ATP9A: variants seen among roughly 807,000 people sequenced by gnomAD.
ATP9A encodes the protein ATPase phospholipid transporting 9A.
Under a neutral mutation model 144.1 loss-of-function variants are expected in ATP9A, and 52 were observed. The observed-to-expected ratio is 0.36, with a 90% CI of 0.29 to 0.45. ATP9A has a LOEUF of 0.45. Among genes scored for constraint, ATP9A ranks in the 20% least tolerant of loss-of-function variants. The pLI, the probability that ATP9A is intolerant of heterozygous loss-of-function variation, is 1.00. For missense variants in ATP9A, 947 were observed against 1,392.7 expected (o/e 0.68, Z 5.09); for synonymous variants, 582 against 557.4 (o/e 1.04, Z -0.62).
At chr20:51,725,607 G>A (rs1018316284) in intron 3 of ATP9A, among the ~76,000 whole-genome samples, 18 of 152,184 alleles carry the variant, frequency 1.2e-4, no homozygotes, top group Non-Finnish European at 2.5e-4. Flanking sequence ...ATGAATAAAT[G>A]AACGGCACAG....
chr20:51,610,247 C>T (rs1377959959), intron 23 of ATP9A, 82 bp from the exon 24 acceptor site: 1 of 1,149,746 alleles, frequency 8.7e-7, no homozygotes, highest in African/African-American at 1.5e-5. Flanking sequence ...ACACCTGATA[C>T]TTACATAACA....
intron 27 of ATP9A, among the ~76,000 whole-genome samples, chr20:51,601,744 A>C (rs2077144008): frequency 6.6e-6 from 1 of 152,124 alleles, no homozygotes; most frequent in Non-Finnish European, 1.5e-5. Context: ...TGTCTCTACA[A>C]AAAATACAAA....
Position 51,637,421 on chromosome 20 carries a change from C to T in ATP9A, c.1668+1922G>A, listed in dbSNP as rs572757751. Among the ~76,000 whole-genome samples the T allele has an allele frequency of 9.9e-5, 15 of 151,514 alleles. No homozygotes were observed. In the South Asian group the frequency reaches 2.1e-3, roughly 21 times the overall value. ...GCAGGAAAGCTAGGCACAGGAGACA[C>T]GGGAGGACCAAAAGGATCCTGGCCC... On this transcript the variant is annotated intron_variant, in intron 15 of 27. Transcript: ENST00000338821.
rs1172757513 is a variant in ATP9A, at chr20:51,601,218, G to A, written c.3137C>T (p.Thr1046Ile). 1 of 1,612,410 alleles carries A rather than the reference G, an allele frequency of 6.2e-7. No homozygotes were observed. Among genetic ancestry groups the A allele is most frequent in the Non-Finnish European group, 8.5e-7 (1 of 1,179,118 alleles). Reference protein sequence around the residue: ...RFSPPSYSKLTS With the variant: ...RFSPPSYSKLIS ...CTCCAGCGAACGCACGGCCTATGATGTGAGCTTTGAGTAGCTGGGGGGAGA... is the reference window on the plus strand; with the variant it reads ...CTCCAGCGAACGCACGGCCTATGATATGAGCTTTGAGTAGCTGGGGGGAGA... The change falls in exon 28 of 28, where the codon ACA becomes ATA. Residue 1046 changes from threonine (T) to isoleucine (I), a missense_variant. Physicochemically the swap from Thr to Ile is moderately conservative, Grantham distance 89 (BLOSUM62 -1). This residue lies in a region of ATP9A where 177 missense variants were observed against 344.9 expected (regional missense o/e 0.51). Transcript: ENST00000338821.
chr20:51,725,641 C>G (rs577616873), intron 3 of ATP9A, among the ~76,000 whole-genome samples, 178 bp downstream of exon 3: 3 of 152,150 alleles, frequency 2.0e-5, no homozygotes, highest in African/African-American at 7.2e-5. Flanking sequence ...TTGATCCAGG[C>G]GGTATATGAA....
intron 4 of ATP9A, among the ~76,000 whole-genome samples, chr20:51,710,884 G>T (rs1278875399): frequency 6.6e-6 from 1 of 152,160 alleles, no homozygotes; most frequent in Non-Finnish European, 1.5e-5. Flanking sequence ...AAGGAGGGTC[G>T]AAGCCCGGAT....
chr20:51,668,102 C>G (rs1425952619), intron 13 of ATP9A, among the ~76,000 whole-genome samples: 16 of 988 alleles, frequency 0.016, no homozygotes, highest in Non-Finnish European at 0.036. Flanking sequence ...GGGGGGGGGG[C>G]GGAAGGGCTG....
intron 1 of ATP9A, among the ~76,000 whole-genome samples, chr20:51,766,312 G>A (rs2077903491): frequency 6.6e-6 from 1 of 152,168 alleles, no homozygotes; most frequent in Non-Finnish European, 1.5e-5. Flanking sequence ...GCAATGAACA[G>A]CCAGGGTCAG....
intron 14 of ATP9A, among the ~76,000 whole-genome samples, chr20:51,654,531 T>C (rs2426348): frequency 0.022 from 3,267 of 151,060 alleles, 54 homozygotes; most frequent in Non-Finnish European, 0.034. Flanking sequence ...AAAAAAATTC[T>C]GGGAAGCACT....
At chr20:51,708,146 T>C (rs751109169) in intron 4 of ATP9A, among the ~76,000 whole-genome samples, 3 of 152,134 alleles carry the variant, frequency 2.0e-5, no homozygotes, top group Non-Finnish European at 4.4e-5. Context: ...ATTAATCCAA[T>C]TGATGTTGTT....
chr20:51,727,395 T>G (rs1470084661), intron 2 of ATP9A, among the ~76,000 whole-genome samples: 1 of 151,524 alleles, frequency 6.6e-6, no homozygotes, highest in Admixed American at 6.6e-5. Flanking sequence ...AGACCAGCCA[T>G]GGCAACATGG....
rs535629659 is a variant in ATP9A, at chr20:51,658,254, G to C, written c.1294-1104C>G. On this transcript the variant is annotated intron_variant, in intron 13 of 27. Coordinates refer to ENST00000338821, the MANE Select transcript of ATP9A (RefSeq NM_006045.3). ...GCGGGTGGATCACTTGAGGTCAGGA[G>C]TTCAAGACCAGCCTGCCGAACATGG... 5.0e-4 allele frequency among the ~76,000 whole-genome samples: 76 copies of C among 152,200 alleles called. 1 individual carries two copies. The highest frequency in any genetic ancestry group is 1.8e-3 in the African/African-American group (74 of 41,528).
intron 13 of ATP9A, among the ~76,000 whole-genome samples, chr20:51,660,792 T>C (rs1286464188): frequency 1.3e-5 from 2 of 152,216 alleles, no homozygotes; most frequent in Non-Finnish European, 2.9e-5. Context: ...GAGTTTCACA[T>C]TGTACAGTGT....
chr20:51,763,386 C>G (rs1466974483), intron 1 of ATP9A, among the ~76,000 whole-genome samples: 6 of 150,742 alleles, frequency 4.0e-5, no homozygotes, highest in Non-Finnish European at 8.8e-5. Flanking sequence ...GATCTCGGCT[C>G]ACTGCCAGCT....
At chr20:51,608,394 G>A in intron 25 of ATP9A, 124 bp downstream of exon 25, 1 of 704,620 alleles carries the variant, frequency 1.4e-6, no homozygotes, top group Non-Finnish European at 2.5e-6. Flanking sequence ...CAGTTCAAGT[G>A]TGTTCAAATC....
chr20:51,750,438 T>C (rs2077826419), intron 1 of ATP9A, among the ~76,000 whole-genome samples: 1 of 152,158 alleles, frequency 6.6e-6, no homozygotes, highest in Non-Finnish European at 1.5e-5. Context: ...AACACAGACC[T>C]AGGCCACAGA....
At chr20:51,725,760 A>G (rs2077709552) in intron 3 of ATP9A, 59 bp downstream of exon 3, 1 of 1,238,874 alleles carries the variant, frequency 8.1e-7, no homozygotes, top group Admixed American at 1.8e-5. Context: ...GAGAGAAACA[A>G]AGAACTTTCT....
intron 14 of ATP9A, among the ~76,000 whole-genome samples, chr20:51,655,986 G>A (rs1196928192): frequency 1.3e-5 from 2 of 152,170 alleles, no homozygotes; most frequent in Admixed American, 1.3e-4. Flanking sequence ...ATGCATGGAT[G>A]AATCTTGAAA....
chr20:51,760,523 T>G (rs2077874792), intron 1 of ATP9A, among the ~76,000 whole-genome samples: 1 of 149,294 alleles, frequency 6.7e-6, no homozygotes, highest in Non-Finnish European at 1.5e-5. Flanking sequence ...GGTCAGGAGT[T>G]CGAGACTAGC....
Sources: allele counts gnomAD v4.1 joint callset (sites outside exome capture counted in the v4.1 genomes callset), GRCh38; gene constraint gnomAD v4.1.1; regional missense constraint gnomAD v4.1.1; transcripts MANE v1.5; gene names NCBI Gene and HGNC (gene_info 2026-07-23, HGNC 2026-07-21).